CCDC7: variants seen among roughly 807,000 people sequenced by gnomAD.
CCDC7 encodes coiled-coil domain containing 7.
In CCDC7, 183 loss-of-function variants were observed where a neutral mutation model predicts 196.9. That is an observed-to-expected ratio of 0.93 (90% CI 0.82 to 1.05). CCDC7 has a LOEUF of 1.05. Among genes scored for constraint, CCDC7 ranks in the 50% least tolerant of loss-of-function variants. The pLI is 0.00. For missense variants in CCDC7, 1,540 were observed against 1,482.2 expected, an observed-to-expected ratio of 1.04 and a Z score of -0.64; for synonymous variants, 525 against 484.6, an observed-to-expected ratio of 1.08 and a Z score of -1.10.
intron 28 of CCDC7, among the ~76,000 whole-genome samples, chr10:32,769,080 G>A (rs2078761639): frequency 6.6e-6 from 1 of 152,012 alleles, no homozygotes; most frequent in African/African-American, 2.4e-5. Flanking sequence ...AACAGGATTG[G>A]TACCAGTTCC....
Position 32,778,811 on chromosome 10 carries a change from A to C in CCDC7, c.2906-166A>C, listed in dbSNP as rs867762067. ...ACATAGATTCTCTCAATCCGTTAGC[A>C]TGGACTGTTTTTTCATTTATTTGTG... On this transcript the variant is annotated intron_variant, in intron 28 of 41. Transcript: ENST00000639629. Among the ~76,000 whole-genome samples the C allele has an allele frequency of 2.0e-5, 3 of 152,322 alleles. No individual in the cohort carries two copies. In the South Asian group the frequency reaches 6.2e-4, roughly 32 times the overall value.
chr10:32,571,906 T>C lies in CCDC7; in HGVS notation c.1454+13T>C, dbSNP rs1462804943. The C allele has an allele frequency of 1.3e-6, 2 of 1,568,244 alleles. No individual in the cohort carries two copies. On this transcript the variant is annotated intron_variant, in intron 16 of 41. Coordinates refer to ENST00000639629, the Ensembl canonical transcript of CCDC7. Reference sequence around the variant, plus strand: ...TGATTGAAAAGAGGTAAAACACTTTTTAAAAATTTGTTCCCTCATTTTCTA... The same window carrying C: ...TGATTGAAAAGAGGTAAAACACTTTCTAAAAATTTGTTCCCTCATTTTCTA...
chr10:32,722,381 G>C (rs894494949), intron 25 of CCDC7, among the ~76,000 whole-genome samples: 9 of 152,050 alleles, frequency 5.9e-5, no homozygotes, highest in Admixed American at 5.9e-4. Context: ...CCAGTGGTAG[G>C]GCTACCATTA....
chr10:32,819,802 G>A (rs984631161), intron 31 of CCDC7, among the ~76,000 whole-genome samples: 2 of 152,146 alleles, frequency 1.3e-5, no homozygotes, highest in Non-Finnish European at 2.9e-5. Context: ...ATTAGTTATT[G>A]ATGGGACATA....
chr10:32,727,564 T>C (rs934123508), intron 26 of CCDC7, among the ~76,000 whole-genome samples: 2 of 152,084 alleles, frequency 1.3e-5, no homozygotes, highest in East Asian at 3.9e-4. Flanking sequence ...GCCCATCAAC[T>C]TCACTGTTTA....
intron 21 of CCDC7, among the ~76,000 whole-genome samples, chr10:32,675,221 A>T (rs557745274): frequency 6.8e-6 from 1 of 147,780 alleles, no homozygotes; most frequent in South Asian, 2.1e-4. Context: ...TTATAATGAT[A>T]TACTTTATTT....
intron 21 of CCDC7, among the ~76,000 whole-genome samples, chr10:32,666,624 G>T (rs2072802704): frequency 6.7e-6 from 1 of 149,934 alleles, no homozygotes; most frequent in Non-Finnish European, 1.5e-5. Context: ...AGAACATGTA[G>T]TGTTTGGTTT....
rs118094319 is a variant in CCDC7, at chr10:32,547,268, C to T, written c.1134+2967C>T. Among the ~76,000 whole-genome samples, 883 of 152,260 alleles carry T rather than the reference C, an allele frequency of 5.8e-3. 11 individuals are homozygous for T. The highest frequency in any genetic ancestry group is 0.015 in the Admixed American group (225 of 15,290). On this transcript the variant is annotated intron_variant, in intron 13 of 41. Transcript: ENST00000639629. ...TCTTGGATTCCTGGCCTCAAATGAT[C>T]CTCCTGCCTCAGCCTCTCAAATTTT...
At chr10:32,776,496 G>A (rs1419558327) in intron 28 of CCDC7, among the ~76,000 whole-genome samples, 1 of 152,078 alleles carries the variant, frequency 6.6e-6, no homozygotes, top group Non-Finnish European at 1.5e-5. Flanking sequence ...TTATTAGTTG[G>A]AGAACAGATT....
At chr10:32,743,371 G>C (rs1007571363) in intron 28 of CCDC7, among the ~76,000 whole-genome samples, 2 of 152,112 alleles carry the variant, frequency 1.3e-5, no homozygotes, top group African/African-American at 4.8e-5. Context: ...TCACTCTGAT[G>C]GTAGTTTCTT....
At chr10:32,732,670 T>A (rs539900396) in intron 28 of CCDC7, among the ~76,000 whole-genome samples, 6 of 152,276 alleles carry the variant, frequency 3.9e-5, no homozygotes, top group Admixed American at 6.5e-5. Flanking sequence ...GGACATTTTT[T>A]AAAATAGACT....
chr10:32,762,384 T>C (rs560398347), intron 28 of CCDC7, among the ~76,000 whole-genome samples: 1 of 151,774 alleles, frequency 6.6e-6, no homozygotes, highest in African/African-American at 2.4e-5. Flanking sequence ...CTGCCTGATA[T>C]ATATATAATA....
chr10:32,513,569 A>G (rs1322769380), intron 9 of CCDC7: 2 of 152,142 alleles, frequency 1.3e-5, no homozygotes, highest in African/African-American at 4.8e-5. Flanking sequence ...GAAGATAAAT[A>G]TATGTTATGA....
rs544042986 is a variant in CCDC7 at position 32,787,538 on chromosome 10, G to A, written c.3013+8454G>A. ...CCTTAACTTCGGGCAGCACAGTGTGGAGAGAGATATCCTTAATGTGAGGAA... is the reference window on the plus strand; with the variant it reads ...CCTTAACTTCGGGCAGCACAGTGTGAAGAGAGATATCCTTAATGTGAGGAA... On this transcript the variant is annotated intron_variant, in intron 29 of 41. Coordinates refer to ENST00000639629, the Ensembl canonical transcript of CCDC7. Among the ~76,000 whole-genome samples the A allele has an allele frequency of 3.3e-4, 50 of 152,328 alleles. No homozygotes were observed. In the South Asian group the frequency reaches 4.4e-3, roughly 13 times the overall value.
intron 36 of CCDC7, among the ~76,000 whole-genome samples, chr10:32,846,164 T>C (rs111862517): frequency 0.013 from 1,922 of 151,878 alleles, 44 homozygotes; most frequent in African/African-American, 0.045. Flanking sequence ...TTGAGTCTAA[T>C]ATTTGTGACC....
intron 9 of CCDC7, among the ~76,000 whole-genome samples, chr10:32,515,743 T>C (rs1564520161): frequency 6.6e-6 from 1 of 151,722 alleles, no homozygotes; most frequent in South Asian, 2.1e-4. Context: ...GGTTTCACTG[T>C]GTTAGCCAGG....
intron 3 of CCDC7, 43 bp from the exon 5 acceptor site, chr10:32,462,640 G>T (rs2035974733): frequency 7.5e-7 from 1 of 1,338,070 alleles, no homozygotes; most frequent in East Asian, 2.6e-5. Flanking sequence ...ACATTGTGAA[G>T]CATTCTAATT....
At chr10:32,551,967 T>C (rs1342964795) in intron 13 of CCDC7, among the ~76,000 whole-genome samples, 1 of 152,218 alleles carries the variant, frequency 6.6e-6, no homozygotes, top group African/African-American at 2.4e-5. Context: ...CTTTCTGTCT[T>C]GATGGCCTGT....
chr10:32,473,378 A>G (rs1390408416), intron 7 of CCDC7, among the ~76,000 whole-genome samples: 2 of 152,242 alleles, frequency 1.3e-5, no homozygotes, highest in Admixed American at 1.3e-4. Context: ...TATTAGAGTA[A>G]GAAGCAATAT....
Sources: gnomAD v4.1 joint callset for allele counts (sites outside exome capture counted in the v4.1 genomes callset) on GRCh38, gnomAD v4.1.1 for gene constraint, MANE v1.5 for transcripts, NCBI Gene and HGNC (gene_info 2026-07-23, HGNC 2026-07-21) for gene names.